CTIF: variants seen among roughly 807,000 people sequenced by gnomAD.
CTIF encodes CBP80/20-dependent translation initiation factor.
A neutral mutation model predicts 66.0 loss-of-function variants in CTIF; 21 were observed. The ratio of observed to expected loss-of-function variants is 0.32; its 90% CI spans 0.23 to 0.46. The LOEUF (loss-of-function observed/expected upper bound fraction) is 0.46. Ranked by LOEUF, CTIF falls within the 20% of genes least tolerant of loss-of-function variation. The pLI is 1.00. For missense variants in CTIF, 739 were observed against 812.7 expected (o/e 0.91, Z 1.10); for synonymous variants, 345 against 326.4 (o/e 1.06, Z -0.62).
intron 6 of CTIF, among the ~76,000 whole-genome samples, chr18:48,678,608 A>T (rs2091683070): frequency 6.8e-6 from 1 of 146,884 alleles, no homozygotes. Context: ...TTTTTTTTTT[A>T]AAGAACTGAT....
At chr18:48,642,495 G>A (rs2090953630) in intron 3 of CTIF, among the ~76,000 whole-genome samples, 1 of 152,192 alleles carries the variant, frequency 6.6e-6, no homozygotes, top group Admixed American at 6.5e-5. Flanking sequence ...ATAGTTAGGA[G>A]GCAGCACAGC....
chr18:48,575,760 C>G (rs2089517447), intron 1 of CTIF, among the ~76,000 whole-genome samples: 1 of 152,250 alleles, frequency 6.6e-6, no homozygotes, highest in South Asian at 2.1e-4. Context: ...TTTGTGCACA[C>G]ACATGTGCTG....
At chr18:48,584,471 G>A (rs1057171021) in intron 1 of CTIF, among the ~76,000 whole-genome samples, 1 of 152,100 alleles carries the variant, frequency 6.6e-6, no homozygotes, top group Non-Finnish European at 1.5e-5. Flanking sequence ...TTATCAAAAC[G>A]CTGATTTCTG....
intron 1 of CTIF, among the ~76,000 whole-genome samples, chr18:48,540,668 C>T (rs1555641438): frequency 6.6e-6 from 1 of 152,034 alleles, no homozygotes; most frequent in South Asian, 2.1e-4. Context: ...GCGTCTCCAC[C>T]CCGAGGAGTG....
At chr18:48,699,057 G>A (rs772340120) in intron 6 of CTIF, among the ~76,000 whole-genome samples, 7 of 152,080 alleles carry the variant, frequency 4.6e-5, no homozygotes, top group East Asian at 3.9e-4. Flanking sequence ...GCTGGTTCTC[G>A]GTCAGACCTG....
intron 7 of CTIF, among the ~76,000 whole-genome samples, chr18:48,713,195 G>A (rs1262312228): frequency 6.6e-6 from 1 of 152,210 alleles, no homozygotes; most frequent in African/African-American, 2.4e-5. Flanking sequence ...GGCCTGGGAG[G>A]TGTCAGAGAG....
Position 48,761,574 on chromosome 18 carries a change from A to G in CTIF, c.1256A>G (p.Gln419Arg), listed in dbSNP as rs1484298940. 3.7e-6 allele frequency: 6 copies of G among 1,614,098 alleles called. No homozygotes were observed. The African/African-American group carries it at 6.7e-5, about 18-fold the overall frequency. ...GGCGAGATCGTGCGCACAATCTACC[A>G]GAAGGCTGTGTCCGACCGCAGCTTC... is the stretch of plus-strand genomic sequence containing the variant. Reference protein sequence around the residue: ...MLGEIVRTIYQKAVSDRSFAF... With the variant: ...MLGEIVRTIYRKAVSDRSFAF... Residue 419 changes from glutamine to arginine, a missense_variant, in exon 9 of 12, where the codon CAG becomes CGG. Physicochemically the swap from Gln to Arg is conservative, Grantham distance 43. Transcript: ENST00000256413. This position sits in a 1 kb window ranked among gnomAD's most constrained non-coding sequence, Gnocchi z 4.2.
intron 7 of CTIF, among the ~76,000 whole-genome samples, chr18:48,748,520 C>A (rs1199069328): frequency 6.6e-6 from 1 of 152,114 alleles, no homozygotes; most frequent in Non-Finnish European, 1.5e-5. Context: ...CCTGGGAAGG[C>A]ACCTCCCGAA....
chr18:48,605,172 G>T (rs1358174801), intron 1 of CTIF, among the ~76,000 whole-genome samples: 2 of 152,156 alleles, frequency 1.3e-5, no homozygotes. Context: ...TAAGGTTTAT[G>T]TTTAATGGTT....
intron 10 of CTIF, among the ~76,000 whole-genome samples, chr18:48,853,995 T>C (rs2069267692): frequency 6.6e-6 from 1 of 152,206 alleles, no homozygotes; most frequent in Non-Finnish European, 1.5e-5. Context: ...ATGCCATCTT[T>C]TACCCTCTTC....
At chr18:48,636,737 C>A in intron 3 of CTIF, 52 bp downstream of exon 3, 1 of 1,419,454 alleles carries the variant, frequency 7.0e-7, no homozygotes, top group Non-Finnish European at 9.4e-7. Context: ...TCTTGTCTGC[C>A]TGGGTTCCTG....
At chr18:48,819,369 A>C (rs758769037) in intron 10 of CTIF, among the ~76,000 whole-genome samples, 9 of 152,220 alleles carry the variant, frequency 5.9e-5, no homozygotes, top group Non-Finnish European at 1.2e-4. Context: ...TGCCCTGGAC[A>C]ACCCACCTCG....
At chr18:48,594,313 A>G (rs995925514) in intron 1 of CTIF, among the ~76,000 whole-genome samples, 1 of 151,704 alleles carries the variant, frequency 6.6e-6, no homozygotes, top group East Asian at 1.9e-4. Context: ...GAAGCCCTTC[A>G]TTCTTCCCCA....
intron 1 of CTIF, among the ~76,000 whole-genome samples, chr18:48,581,761 C>T (rs910468029): frequency 3.3e-5 from 5 of 152,164 alleles, no homozygotes; most frequent in African/African-American, 9.7e-5. Context: ...TGCTTATACA[C>T]GTGGCACCAG....
chr18:48,733,891 CTG>C (rs2092476912), intron 7 of CTIF, among the ~76,000 whole-genome samples: 1 of 152,230 alleles, frequency 6.6e-6, no homozygotes, highest in Non-Finnish European at 1.5e-5. Context: ...TCTCTCAGGG[CTG>C]TCTCAGAACT....
intron 9 of CTIF, among the ~76,000 whole-genome samples, chr18:48,770,551 G>A (rs529826088): frequency 6.5e-4 from 99 of 152,352 alleles, no homozygotes; most frequent in South Asian, 1.4e-3. Context: ...TGTTAGGAGC[G>A]TGGGTGGCTC....
chr18:48,653,459 C>G (rs141503138), intron 3 of CTIF, among the ~76,000 whole-genome samples: 2,099 of 152,258 alleles, frequency 0.014, 52 homozygotes, highest in African/African-American at 0.048. Flanking sequence ...CAAACCACTA[C>G]TCAATGAAAT....
intron 1 of CTIF, among the ~76,000 whole-genome samples, chr18:48,609,242 G>T (rs923596747): frequency 1.3e-5 from 2 of 152,148 alleles, no homozygotes; most frequent in African/African-American, 4.8e-5. Context: ...GGAGTGGTGA[G>T]ATCTGCAGAG....
chr18:48,837,370 G>A (rs1024837166), intron 10 of CTIF, among the ~76,000 whole-genome samples: 1 of 152,086 alleles, frequency 6.6e-6, no homozygotes, highest in Admixed American at 6.5e-5. Flanking sequence ...AGAGGACACC[G>A]AGACCACTGT....
Sources: allele counts gnomAD v4.1 joint callset (sites outside exome capture counted in the v4.1 genomes callset), GRCh38; gene constraint gnomAD v4.1.1; non-coding constraint Gnocchi (gnomAD v3.1); transcripts MANE v1.5; gene names NCBI Gene and HGNC (gene_info 2026-07-23, HGNC 2026-07-21).